RPTOR: variants seen among roughly 807,000 people sequenced by gnomAD.
RPTOR encodes the protein regulatory associated protein of MTOR complex 1.
In RPTOR, 21 loss-of-function variants were observed where a neutral mutation model predicts 169.9. The observed-to-expected ratio is 0.12, with a 90% CI of 0.09 to 0.18. The LOEUF is 0.18. RPTOR is among the 10% of genes least tolerant of loss of function. The probability of loss-of-function intolerance (pLI) is 1.00; values close to 1 mark genes in which losing one functional copy is unlikely to be tolerated. For missense variants in RPTOR, 1,133 were observed against 1,855.9 expected, an observed-to-expected ratio of 0.61 and a Z score of 7.16; for synonymous variants, 732 against 753.2, an observed-to-expected ratio of 0.97 and a Z score of 0.46.
Position 80,707,913 on chromosome 17 carries a change from G to A in RPTOR, c.421G>A (p.Ala141Thr), listed in dbSNP as rs1299432885. 2.5e-6 allele frequency: 4 copies of A among 1,613,948 alleles called. No individual in the cohort carries two copies. The highest frequency in any genetic ancestry group is 3.4e-6 in the Non-Finnish European group (4 of 1,179,998). Reference sequence around the variant, plus strand: ...GCTCTGCACGTCCTTACGTCGCAACGCCAAGGAGGAGCGAGTCCTCTTTCA... The same window carrying A: ...GCTCTGCACGTCCTTACGTCGCAACACCAAGGAGGAGCGAGTCCTCTTTCA... ...KKLCTSLRRNAKEERVLFHYN... is the reference protein window; with the variant it reads ...KKLCTSLRRNTKEERVLFHYN... Residue 141 changes from alanine to threonine, a missense_variant, in exon 4 of 34, where the codon GCC (alanine) becomes ACC (threonine). By Grantham distance (58) the Ala-to-Thr change is moderately conservative (BLOSUM62 0). Around this residue, in one of 9 missense-constraint regions of RPTOR, gnomAD observed 74 missense variants for 168.3 expected, o/e 0.44. Coordinates refer to ENST00000306801, the MANE Select transcript of RPTOR (RefSeq NM_020761.3). This position sits in a 1 kb window ranked among gnomAD's most constrained non-coding sequence, Gnocchi z 5.0.
chr17:80,618,128 G>A (rs1467174041), intron 1 of RPTOR, among the ~76,000 whole-genome samples: 6 of 151,922 alleles, frequency 3.9e-5, no homozygotes, highest in East Asian at 3.9e-4. Flanking sequence ...CCATAAGTGC[G>A]TGCCACCACA....
intron 1 of RPTOR, among the ~76,000 whole-genome samples, chr17:80,556,912 G>A (rs2084416774): frequency 6.6e-6 from 1 of 152,130 alleles, no homozygotes; most frequent in Admixed American, 6.5e-5. Flanking sequence ...TGCCCAACAT[G>A]GCGAAACCCC....
Position 80,573,693 on chromosome 17 carries a change from G to T in RPTOR, c.162+27902G>T, listed in dbSNP as rs144501607. On this transcript the variant is annotated intron_variant, in intron 1 of 33. Transcript: ENST00000306801. ...CTTCCTGCCCCCTTGATCCTGAAGA[G>T]TGTGTAAGGCTGCTGGGGATCGGAT... 6.4e-4 allele frequency among the ~76,000 whole-genome samples: 98 copies of T among 152,320 alleles called. 1 individual carries two copies. The East Asian group carries it at 0.017, about 26-fold the overall frequency.
intron 7 of RPTOR, among the ~76,000 whole-genome samples, chr17:80,795,972 C>T (rs2067097508): frequency 6.6e-6 from 1 of 152,228 alleles, no homozygotes; most frequent in Admixed American, 6.5e-5. Flanking sequence ...TCCCACGCCT[C>T]TCCATCTGCC....
chr17:80,729,748 T>C (rs1218338403), intron 4 of RPTOR, among the ~76,000 whole-genome samples: 1 of 152,164 alleles, frequency 6.6e-6, no homozygotes, highest in Non-Finnish European at 1.5e-5. Flanking sequence ...TTGTAAATGA[T>C]GTGTGTGTTG....
At position 80,707,140 on chromosome 17, in the gene RPTOR, G is replaced by A. The variant is rs1337090193; in HGVS notation, c.349-701G>A. Among the ~76,000 whole-genome samples the A allele has an allele frequency of 2.0e-5, 3 of 152,120 alleles. No individual in the cohort carries two copies. Among genetic ancestry groups the A allele is most frequent in the African/African-American group, 7.2e-5 (3 of 41,420 alleles). On this transcript the variant is annotated intron_variant, in intron 3 of 33. Coordinates refer to ENST00000306801, the MANE Select transcript of RPTOR (RefSeq NM_020761.3). The surrounding 1 kb of genome is among the most constrained non-coding windows in gnomAD (Gnocchi z 5.0). ...CTTTCAGCAGGGCGATTCCTTACTC[G>A]GTCTCTTCACTCTTCTGCCATTGCT...
At chr17:80,843,058 G>A (rs941797286) in intron 10 of RPTOR, among the ~76,000 whole-genome samples, 3 of 152,064 alleles carry the variant, frequency 2.0e-5, no homozygotes, top group East Asian at 3.8e-4. Flanking sequence ...TTTTTTCCCC[G>A]AGTTTGCCTC....
chr17:80,650,316 G>T (rs2065630168), intron 3 of RPTOR, among the ~76,000 whole-genome samples: 3 of 152,232 alleles, frequency 2.0e-5, no homozygotes, highest in Admixed American at 2.0e-4. Flanking sequence ...AGAGTGGGTT[G>T]CAGCATGGGC....
rs180696046 is a variant in RPTOR, at chr17:80,651,285, G to A, written c.348+7475G>A. ...ACGATGAGGAACCCACCGTATGCTC[G>A]CCATATGCAACTAGGAAGAGTTGTA... is the stretch of plus-strand genomic sequence containing the variant. On this transcript the variant is annotated intron_variant, in intron 3 of 33. Transcript: ENST00000306801. The surrounding 1 kb of genome is among the most constrained non-coding windows in gnomAD (Gnocchi z 4.1). 9.8e-4 allele frequency among the ~76,000 whole-genome samples: 150 copies of A among 152,288 alleles called. No homozygotes were observed. Among genetic ancestry groups the A allele is most frequent in the Non-Finnish European group, 1.5e-3 (102 of 68,030 alleles).
intron 19 of RPTOR, 41 bp downstream of exon 19, chr17:80,892,910 G>A (rs181840399): frequency 6.3e-7 from 1 of 1,598,720 alleles, no homozygotes. Context: ...GGGAGAGATT[G>A]GGGTTGTTTT....
intron 3 of RPTOR, among the ~76,000 whole-genome samples, chr17:80,694,181 T>C (rs1170093612): frequency 6.6e-6 from 1 of 152,234 alleles, no homozygotes; most frequent in Non-Finnish European, 1.5e-5. Flanking sequence ...TGGGGCTTCA[T>C]TCAGAGTGGG....
intron 5 of RPTOR, chr17:80,743,201 A>G (rs143751153): frequency 1.0e-6 from 1 of 981,848 alleles, no homozygotes; most frequent in Admixed American, 6.1e-5. Flanking sequence ...TCCTGAAATT[A>G]GCCAAGGCTC....
At chr17:80,804,944 C>G in intron 7 of RPTOR, 1 of 152,314 alleles carries the variant, frequency 6.6e-6, no homozygotes, top group African/African-American at 2.4e-5. Flanking sequence ...CCCCGGGTGC[C>G]CAGTGGTAGG....
chr17:80,783,286 A>G (rs533405735), intron 6 of RPTOR, among the ~76,000 whole-genome samples: 8 of 152,120 alleles, frequency 5.3e-5, no homozygotes, highest in African/African-American at 1.9e-4. Flanking sequence ...CTCTGTCCCC[A>G]TCCCTTTTAC....
intron 28 of RPTOR, among the ~76,000 whole-genome samples, chr17:80,953,502 C>G (rs1250423399): frequency 6.6e-6 from 1 of 152,248 alleles, no homozygotes; most frequent in Non-Finnish European, 1.5e-5. Flanking sequence ...GCCCTCTGTG[C>G]TTGTGGATCT....
intron 5 of RPTOR, among the ~76,000 whole-genome samples, chr17:80,739,976 A>G (rs116798167): frequency 0.016 from 2,467 of 152,300 alleles, 72 homozygotes; most frequent in African/African-American, 0.057. Flanking sequence ...AAAACAATGG[A>G]GAAATATTAA....
Position 80,545,205 on chromosome 17 carries a change from A to G in RPTOR, c.-425A>G, listed in dbSNP as rs983885905. The G allele has an allele frequency of 6.8e-5, 16 of 235,996 alleles. No homozygotes were observed. The highest frequency in any genetic ancestry group is 3.5e-4 in the African/African-American group (16 of 45,442). 14.6% of individuals were successfully genotyped at this position (235,996 alleles called of 1,614,324 possible). ...CCGGAGACCTCAGCCCAGTCGGCCC[A>G]GTGGGCGAACCGGCACCAAGAGCGG... On this transcript the variant is annotated 5_prime_UTR_variant, in exon 1 of 34. Transcript: ENST00000306801.
At chr17:80,852,229 C>T (rs2067800839) in intron 11 of RPTOR, among the ~76,000 whole-genome samples, 1 of 152,190 alleles carries the variant, frequency 6.6e-6, no homozygotes, top group African/African-American at 2.4e-5. Context: ...AAGTCAAGTA[C>T]TGTTGTCTCC....
chr17:80,644,306 G>GT (rs773738955), intron 3 of RPTOR, among the ~76,000 whole-genome samples: 14 of 88,900 alleles, frequency 1.6e-4, no homozygotes, highest in African/African-American at 3.8e-4. Context: ...TTAGTGTGTG[G>GT]GTTTTTTTTT....
Sources: gnomAD v4.1 joint callset for allele counts (sites outside exome capture counted in the v4.1 genomes callset) on GRCh38, gnomAD v4.1.1 for gene constraint, gnomAD v4.1.1 regional missense constraint, Gnocchi (gnomAD v3.1) non-coding constraint, MANE v1.5 for transcripts, NCBI Gene and HGNC (gene_info 2026-07-23, HGNC 2026-07-21) for gene names.